TNFAIP8: variants seen among roughly 807,000 people sequenced by gnomAD.
TNFAIP8 encodes the protein TNF alpha induced protein 8.
TNFAIP8 carries 7 observed loss-of-function variants against 13.3 expected under a neutral mutation model. The ratio of observed to expected loss-of-function variants is 0.52; its 90% confidence interval spans 0.30 to 0.99. The LOEUF is 0.99. Among genes scored for constraint, TNFAIP8 ranks in the 50% least tolerant of loss-of-function variants. The pLI, the probability that TNFAIP8 is intolerant of heterozygous loss-of-function variation, is 0.07. For synonymous variants in TNFAIP8, 94 were observed against 87.6 expected, an observed-to-expected ratio of 1.07 and a Z score of -0.41; for missense variants, 258 against 236.9, an observed-to-expected ratio of 1.09 and a Z score of -0.58.
chr5:119,303,385 C>G (rs996823809), intron 1 of TNFAIP8, among the ~76,000 whole-genome samples: 4 of 152,186 alleles, frequency 2.6e-5, no homozygotes, highest in Non-Finnish European at 5.9e-5. Context: ...CCTTCCTTCT[C>G]CCTCTGCTGT....
At chr5:119,302,030 C>A (rs1749411116) in intron 1 of TNFAIP8, among the ~76,000 whole-genome samples, 1 of 152,224 alleles carries the variant, frequency 6.6e-6, no homozygotes, top group Non-Finnish European at 1.5e-5. Flanking sequence ...AAGGTCCTGT[C>A]ATGCTCTGAA....
chr5:119,281,020 G>A (rs1002220814), intron 1 of TNFAIP8, among the ~76,000 whole-genome samples: 1 of 151,960 alleles, frequency 6.6e-6, no homozygotes, highest in Non-Finnish European at 1.5e-5. Flanking sequence ...ACCAATGGGA[G>A]CCTCTTCAGT....
Position 119,399,154 on chromosome 5 carries a change from G to C in TNFAIP8, c.*5773G>C, listed in dbSNP as rs1047249113. 6.6e-6 allele frequency: 1 copy of C among 152,202 alleles called. No individual in the cohort carries two copies. Among genetic ancestry groups the C allele is most frequent in the Non-Finnish European group, 1.5e-5 (1 of 68,036 alleles). 9.4% of individuals were successfully genotyped at this position (152,202 alleles called of 1,614,324 possible). On this transcript the variant is annotated 3_prime_UTR_variant, in exon 2 of 2. Coordinates refer to ENST00000504771, the MANE Select transcript of TNFAIP8 (RefSeq NM_014350.4). ...CTGGAGAACATGGTGAAATCCACGA[G>C]TGGAAACGTTCCATGGTATTTTCAA...
intron 1 of TNFAIP8, among the ~76,000 whole-genome samples, chr5:119,300,337 C>T (rs145323900): frequency 4.6e-5 from 7 of 152,258 alleles, no homozygotes; most frequent in Admixed American, 1.3e-4. Context: ...TTTGGTTCAG[C>T]GTATTCTCTT....
intron 1 of TNFAIP8, among the ~76,000 whole-genome samples, chr5:119,275,321 T>C (rs1389809558): frequency 1.3e-5 from 2 of 152,148 alleles, no homozygotes; most frequent in Non-Finnish European, 2.9e-5. Context: ...GTTCATTAGT[T>C]GAAAATCTAG....
upstream of TNFAIP8, chr5:119,355,451 T>C (rs1581636912): frequency 4.8e-5 from 33 of 692,338 alleles, no homozygotes; most frequent in East Asian, 8.7e-4. Flanking sequence ...CTTGTGAAAT[T>C]GTGCTCTCTT....
At position 119,398,842 on chromosome 5, in the gene TNFAIP8, G is replaced by C. The variant is rs1037843705; in HGVS notation, c.*5461G>C. The C allele has an allele frequency of 2.0e-5, 3 of 152,306 alleles. No individual in the cohort carries two copies. Among genetic ancestry groups the C allele is most frequent in the Non-Finnish European group, 2.9e-5 (2 of 68,034 alleles). The allele number at this position is 152,306 out of a possible 1,614,324, so 9.4% of individuals were successfully genotyped here. A position where few individuals can be genotyped will look rare whatever the true frequency, so the allele number is the denominator to read the frequency against. Reference sequence around the variant, plus strand: ...AATTGATGATTTATAAGAAGCTGAGGTTTCGTCTTCCTAGAAATGGACTTT... The same window carrying C: ...AATTGATGATTTATAAGAAGCTGAGCTTTCGTCTTCCTAGAAATGGACTTT... On this transcript the variant is annotated 3_prime_UTR_variant, in exon 2 of 2. Transcript: ENST00000504771.
rs190556833 is a variant in TNFAIP8 at position 119,383,370 on chromosome 5, T to A, written c.32-9446T>A. ...AGTATTCCCTTTGGATGATAAATTATCTGATCACTCTAATCATAATACTTG... is the reference window on the plus strand; with the variant it reads ...AGTATTCCCTTTGGATGATAAATTAACTGATCACTCTAATCATAATACTTG... On this transcript the variant is annotated intron_variant, in intron 1 of 1. Coordinates refer to ENST00000504771, the MANE Select transcript of TNFAIP8 (RefSeq NM_014350.4). Among the ~76,000 whole-genome samples the A allele has an allele frequency of 1.2e-4, 18 of 152,364 alleles. No homozygotes were observed. The East Asian group carries it at 2.3e-3, about 20-fold the overall frequency.
chr5:119,297,654 G>A (rs574350348), intron 1 of TNFAIP8, among the ~76,000 whole-genome samples: 2 of 152,134 alleles, frequency 1.3e-5, no homozygotes, highest in Non-Finnish European at 2.9e-5. Flanking sequence ...CAATTCCTGG[G>A]TATCCTTGTT....
intron 1 of TNFAIP8, among the ~76,000 whole-genome samples, chr5:119,274,583 C>G (rs1410617295): frequency 6.6e-6 from 1 of 152,194 alleles, no homozygotes; most frequent in Non-Finnish European, 1.5e-5. Flanking sequence ...CCACTTTGCT[C>G]CTTTGCTTTT....
rs201925709 is a variant in TNFAIP8, at chr5:119,298,746, A to G, written c.1+29839A>G. On this transcript the variant is annotated intron_variant, in intron 1 of 1. Transcript: ENST00000274456. ...CTCCCCGTCACTTTCAGGTACACCA[A>G]TCTGACATAGATTTGGTCTTTTCAC... 4.1e-4 allele frequency among the ~76,000 whole-genome samples: 62 copies of G among 152,102 alleles called. No homozygotes were observed. In the East Asian group the frequency reaches 0.01, roughly 26 times the overall value.
chr5:119,321,033 G>C (rs889910874), intron 1 of TNFAIP8, among the ~76,000 whole-genome samples: 2 of 152,172 alleles, frequency 1.3e-5, no homozygotes, highest in African/African-American at 2.4e-5. Flanking sequence ...TGTTTAACAC[G>C]GTGAAACCCC....
At chr5:119,379,017 C>G (rs1209158060) in intron 1 of TNFAIP8, among the ~76,000 whole-genome samples, 1 of 152,188 alleles carries the variant, frequency 6.6e-6, no homozygotes, top group Non-Finnish European at 1.5e-5. Flanking sequence ...AAGTTATGAT[C>G]TGGCTACTGC....
chr5:119,348,205 T>C (rs564004547), intron 1 of TNFAIP8, among the ~76,000 whole-genome samples: 4 of 152,326 alleles, frequency 2.6e-5, no homozygotes, highest in African/African-American at 9.6e-5. Context: ...CGATAATCAA[T>C]AGCAGATGTG....
At chr5:119,354,246 G>T (rs765175705), upstream of TNFAIP8, 8 of 152,290 alleles carry the variant, frequency 5.3e-5, no homozygotes, top group Non-Finnish European at 8.8e-5. Context: ...GAAGGGTGCA[G>T]TCTGTTACCC....
upstream of TNFAIP8, chr5:119,355,668 T>C (rs1344074092): frequency 1.0e-5 from 4 of 386,006 alleles, no homozygotes; most frequent in African/African-American, 6.3e-5. Flanking sequence ...CAGTGTGCTC[T>C]GAGATGAGAC....
chr5:119,363,102 T>G (rs536904421), intron 1 of TNFAIP8, among the ~76,000 whole-genome samples: 43 of 152,034 alleles, frequency 2.8e-4, no homozygotes, highest in African/African-American at 9.6e-4. Context: ...ATAAAGGAAA[T>G]AGAAATGGAG....
intron 1 of TNFAIP8, among the ~76,000 whole-genome samples, chr5:119,319,071 C>T (rs1213175124): frequency 6.6e-6 from 1 of 152,148 alleles, no homozygotes; most frequent in African/African-American, 2.4e-5. Flanking sequence ...TAGTCTAATC[C>T]TGGCTTTTGT....
In TNFAIP8 at chr5:119,396,621, A is replaced by G. The variant is rs1439589578; in HGVS notation, c.*3240A>G. 2.7e-5 allele frequency: 4 copies of G among 149,104 alleles called. No individual in the cohort carries two copies. The highest frequency in any genetic ancestry group is 1.0e-4 in the African/African-American group (4 of 38,772). 9.2% of individuals were successfully genotyped at this position (149,104 alleles called of 1,614,324 possible). On this transcript the variant is annotated 3_prime_UTR_variant, in exon 2 of 2. Transcript: ENST00000504771. ...TATTTTCCAGATTTGGAGGCTCAAA[A>G]TATTTGAGCAAGTTAAGTTAAGAAA... is the stretch of plus-strand genomic sequence containing the variant.
Sources: allele counts gnomAD v4.1 joint callset (sites outside exome capture counted in the v4.1 genomes callset), GRCh38; gene constraint gnomAD v4.1.1; transcripts MANE v1.5; gene names NCBI Gene and HGNC (gene_info 2026-07-23, HGNC 2026-07-21).